Variants in HHAT observed in about 807,000 individuals in gnomAD.
HHAT encodes hedgehog acyltransferase.
Under a neutral mutation model 70.8 loss-of-function variants are expected in HHAT, and 47 were observed. The observed-to-expected ratio is 0.66, with a 90% CI of 0.53 to 0.85. The LOEUF is 0.85. HHAT is among the 40% of genes least tolerant of loss of function. HHAT has a pLI of 0.00. For missense variants in HHAT, 609 were observed against 604.8 expected (o/e 1.01, Z -0.07); for synonymous variants, 228 against 247.6 (o/e 0.92, Z 0.74).
chr1:210,447,143 G>A lies in HHAT; in HGVS notation c.857-17362G>A, dbSNP rs142644205. On this transcript the variant is annotated intron_variant, in intron 7 of 11. Coordinates refer to ENST00000261458, the MANE Select transcript of HHAT (RefSeq NM_018194.6). ...ACCCCATATCCACTAATTCTGTGAC[G>A]TTGGGAAAACCACTTATCATCTCTG... Among the ~76,000 whole-genome samples the A allele has an allele frequency of 7.0e-4, 106 of 152,270 alleles. 1 individual carries two copies. The highest frequency in any genetic ancestry group is 2.1e-3 in the East Asian group (11 of 5,182).
intron 11 of HHAT, among the ~76,000 whole-genome samples, chr1:210,636,178 A>G (rs1004767746): frequency 6.6e-6 from 1 of 152,156 alleles, no homozygotes; most frequent in African/African-American, 2.4e-5. Flanking sequence ...GCTTAATTAC[A>G]TGTGAGGTAT....
chr1:210,649,704 C>T (rs112276046), intron 11 of HHAT, among the ~76,000 whole-genome samples: 86 of 152,294 alleles, frequency 5.6e-4, no homozygotes, highest in African/African-American at 1.9e-3. Flanking sequence ...GTCCCACTTA[C>T]GGGTAATGGG....
chr1:210,327,542 G>C (rs185739736), upstream of HHAT, among the ~76,000 whole-genome samples: 1 of 152,298 alleles, frequency 6.6e-6, no homozygotes, highest in East Asian at 1.9e-4. Flanking sequence ...GTCCGGCTCA[G>C]TCACCCAGGT....
intron 11 of HHAT, among the ~76,000 whole-genome samples, chr1:210,658,179 A>G (rs1399319017): frequency 6.6e-6 from 1 of 152,120 alleles, no homozygotes; most frequent in Non-Finnish European, 1.5e-5. Flanking sequence ...CTCCTCCCTT[A>G]TGTTCCGGCC....
At chr1:210,513,121 T>C (rs1410543411) in intron 8 of HHAT, 32 bp from the exon 9 acceptor site, 3 of 1,362,890 alleles carry the variant, frequency 2.2e-6, no homozygotes, top group African/African-American at 1.4e-5. Flanking sequence ...ATATCTTTTA[T>C]TGATATGCTT....
At chr1:210,582,502 C>G (rs1315187520) in intron 9 of HHAT, among the ~76,000 whole-genome samples, 1 of 152,100 alleles carries the variant, frequency 6.6e-6, no homozygotes, top group Non-Finnish European at 1.5e-5. Flanking sequence ...ATGTAGCAAG[C>G]CAAGGAGCTA....
intron 9 of HHAT, among the ~76,000 whole-genome samples, chr1:210,541,098 C>T (rs2095426307): frequency 6.6e-6 from 1 of 152,182 alleles, no homozygotes; most frequent in African/African-American, 2.4e-5. Flanking sequence ...GCCTCGGCCT[C>T]TCAAAGTGCA....
intron 3 of HHAT, among the ~76,000 whole-genome samples, chr1:210,364,069 T>C (rs922057925): frequency 6.6e-6 from 1 of 152,216 alleles, no homozygotes; most frequent in Non-Finnish European, 1.5e-5. Flanking sequence ...ATATGTAAGA[T>C]ACAAGGCCCA....
intron 9 of HHAT, among the ~76,000 whole-genome samples, chr1:210,559,022 C>T (rs1013542028): frequency 3.3e-5 from 5 of 152,074 alleles, no homozygotes; most frequent in South Asian, 2.1e-4. Flanking sequence ...GGTAGAATCC[C>T]GTTCGGTCAG....
At chr1:210,541,936 C>T (rs540779194) in intron 9 of HHAT, among the ~76,000 whole-genome samples, 69 of 152,234 alleles carry the variant, frequency 4.5e-4, no homozygotes, top group African/African-American at 1.6e-3. Context: ...TCTGCACTGG[C>T]CAGGGAGTTC....
intron 8 of HHAT, among the ~76,000 whole-genome samples, chr1:210,502,890 T>G (rs1439612466): frequency 6.6e-6 from 1 of 152,194 alleles, no homozygotes; most frequent in Non-Finnish European, 1.5e-5. Context: ...CTCAATTTTT[T>G]TTTTCTTTCT....
chr1:210,538,106 CT>C (rs1246666311), intron 9 of HHAT, among the ~76,000 whole-genome samples: 1 of 150,602 alleles, frequency 6.6e-6, no homozygotes, highest in Non-Finnish European at 1.5e-5. Flanking sequence ...CCATACAGAC[CT>C]TTATGAGAAT....
chr1:210,439,795 G>GAA (rs1323772411), intron 7 of HHAT: 1 of 151,956 alleles, frequency 6.6e-6, no homozygotes, highest in Non-Finnish European at 1.5e-5. Context: ...TACACAGGGA[G>GAA]AAAGGGGCTG....
At chr1:210,407,877 G>A (rs1241417583) in intron 6 of HHAT, among the ~76,000 whole-genome samples, 1 of 152,124 alleles carries the variant, frequency 6.6e-6, no homozygotes, top group Middle Eastern at 3.2e-3. Context: ...CAGCCTTAGG[G>A]TGGTGGGCCA....
intron 9 of HHAT, among the ~76,000 whole-genome samples, chr1:210,554,587 G>C (rs1217942997): frequency 1.3e-5 from 2 of 152,166 alleles, no homozygotes; most frequent in Non-Finnish European, 2.9e-5. Context: ...TGCAATGTGT[G>C]GGAATATACT....
At chr1:210,550,207 A>G (rs1339457017) in intron 9 of HHAT, among the ~76,000 whole-genome samples, 2 of 149,478 alleles carry the variant, frequency 1.3e-5, no homozygotes, top group Non-Finnish European at 2.9e-5. Context: ...TGAAATCTGC[A>G]GATCAGCACT....
At chr1:210,361,793 T>C (rs1294936537) in intron 2 of HHAT, among the ~76,000 whole-genome samples, 1 of 152,158 alleles carries the variant, frequency 6.6e-6, no homozygotes, top group Non-Finnish European at 1.5e-5. Context: ...ACCCTTATAC[T>C]GAGAACTTGT....
At chr1:210,396,227 A>C (rs955059458) in intron 4 of HHAT, among the ~76,000 whole-genome samples, 8 of 152,176 alleles carry the variant, frequency 5.3e-5, no homozygotes, top group Non-Finnish European at 8.8e-5. Context: ...ATCTCCTATT[A>C]GAAATGGAAG....
chr1:210,563,573 C>T (rs986890716), intron 9 of HHAT, among the ~76,000 whole-genome samples: 1 of 152,182 alleles, frequency 6.6e-6, no homozygotes, highest in Non-Finnish European at 1.5e-5. Flanking sequence ...GGAGGCTGAT[C>T]ATGGGAGAGC....
Sources: allele counts gnomAD v4.1 joint callset (sites outside exome capture counted in the v4.1 genomes callset), GRCh38; gene constraint gnomAD v4.1.1; transcripts MANE v1.5; gene names NCBI Gene and HGNC (gene_info 2026-07-23, HGNC 2026-07-21).